Variants in MCC observed in about 807,000 individuals in gnomAD.
MCC encodes the protein colorectal mutant cancer protein.
Under a neutral mutation model 116.2 loss-of-function variants are expected in MCC, and 90 were observed. The observed-to-expected ratio is 0.77, with a 90% CI of 0.65 to 0.92. MCC has a LOEUF of 0.92. Among genes scored for constraint, MCC ranks in the 40% least tolerant of loss-of-function variants. MCC has a pLI of 0.00. For synonymous variants in MCC, 578 were observed against 510.5 expected (o/e 1.13, Z -1.78); for missense variants, 1,516 against 1,312.2 (o/e 1.16, Z -2.40).
intron 1 of MCC, among the ~76,000 whole-genome samples, chr5:113,413,941 A>G (rs1415279561): frequency 2.6e-5 from 4 of 152,146 alleles, no homozygotes; most frequent in Admixed American, 2.0e-4. Context: ...ACACTGCTTT[A>G]AATGTGTCCC....
chr5:113,040,659 G>A (rs1751644550), intron 17 of MCC, among the ~76,000 whole-genome samples: 1 of 152,138 alleles, frequency 6.6e-6, no homozygotes, highest in South Asian at 2.1e-4. Context: ...CCTGAGGTGT[G>A]TATATTGTAT....
At chr5:113,334,752 G>A (rs1263286956) in intron 3 of MCC, among the ~76,000 whole-genome samples, 3 of 150,680 alleles carry the variant, frequency 2.0e-5, no homozygotes, top group Admixed American at 1.3e-4. Flanking sequence ...CACCACACCC[G>A]GCTAATTTTT....
rs751841375 is a variant in MCC, at chr5:113,049,124, G to A, written c.2624C>T (p.Thr875Ile). ...KEQRMRSLSS[T>I]SSGSKDKPGK... is the part of the protein sequence containing the mutation. ...AGGTTTGTCTTTGCTGCCGCTGCTG[G>A]TGGAGCTGAGGGATCGCATCCGCTG... Residue 875 changes from threonine (T) to isoleucine (I), a missense_variant, in exon 16 of 19, where the codon ACC becomes ATC. Thr to Ile is a moderately conservative substitution (Grantham distance 89). Transcript: ENST00000408903. 6.2e-7 allele frequency: 1 copy of A among 1,614,072 alleles called. No homozygotes were observed. The highest frequency in any genetic ancestry group is 8.5e-7 in the Non-Finnish European group (1 of 1,180,024).
In MCC at chr5:113,488,327, C is replaced by A; in HGVS notation, c.88G>T (p.Asp30Tyr). 1 of 1,519,440 alleles carries A rather than the reference C, an allele frequency of 6.6e-7. No individual in the cohort carries two copies. The highest frequency in any genetic ancestry group is 8.8e-7 in the Non-Finnish European group (1 of 1,132,896). 94.1% of individuals were successfully genotyped at this position (1,519,440 alleles called of 1,614,324 possible). A position where few individuals can be genotyped will look rare whatever the true frequency, so the allele number is the denominator to read the frequency against. The change falls in exon 1 of 19, where the codon GAC (aspartate) becomes TAC (tyrosine). Residue 30 changes from aspartate to tyrosine, a missense_variant. Coordinates refer to ENST00000408903, the MANE Select transcript of MCC (RefSeq NM_001085377.2). ...TCCTCCTCGCCGGTGCTGGACGTGT[C>A]GCTGCTGCTGCTGCTGCTGCCGCTG... Reference protein sequence around the residue: ...GGSGSSSSSSDTSSTGEEERM... With the variant: ...GGSGSSSSSSYTSSTGEEERM...
intron 3 of MCC, among the ~76,000 whole-genome samples, chr5:113,163,160 A>G (rs77632257): frequency 0.059 from 9,043 of 152,262 alleles, 383 homozygotes; most frequent in East Asian, 0.17. Context: ...AGAGACAGTC[A>G]AGAACCAAGC....
chr5:113,297,164 G>A (rs191931116), intron 3 of MCC, among the ~76,000 whole-genome samples: 3 of 152,300 alleles, frequency 2.0e-5, no homozygotes, highest in East Asian at 1.9e-4. Context: ...TGAACATGCC[G>A]ATTGTACTAT....
chr5:113,357,038 T>A, intron 2 of MCC, among the ~76,000 whole-genome samples: 1 of 152,250 alleles, frequency 6.6e-6, no homozygotes, highest in East Asian at 1.9e-4. Context: ...TTTGTAGTCA[T>A]GCTGCTTAGT....
chr5:113,190,440 T>C (rs765260222), intron 3 of MCC, among the ~76,000 whole-genome samples: 1 of 152,092 alleles, frequency 6.6e-6, no homozygotes, highest in Non-Finnish European at 1.5e-5. Context: ...CTCCAAGTGT[T>C]AGGAAGCTTT....
At chr5:113,425,913 G>T (rs764222479) in intron 1 of MCC, among the ~76,000 whole-genome samples, 3 of 152,014 alleles carry the variant, frequency 2.0e-5, no homozygotes, top group Non-Finnish European at 4.4e-5. Flanking sequence ...TATGTCATGG[G>T]AGTTGGCAAT....
chr5:113,164,530 A>G lies in MCC; in HGVS notation c.628-13108T>C, dbSNP rs148155666. Among the ~76,000 whole-genome samples the G allele has an allele frequency of 2.0e-3, 309 of 152,334 alleles. 3 individuals are homozygous for G. The highest frequency in any genetic ancestry group is 7.0e-3 in the African/African-American group (289 of 41,570). On this transcript the variant is annotated intron_variant, in intron 3 of 18. Coordinates refer to ENST00000408903, the MANE Select transcript of MCC (RefSeq NM_001085377.2). ...GTAAATGGTAGCCAGGACCAAGCAC[A>G]GTACTCCAGATGAATTCTGCCTAGC...
At chr5:113,429,791 A>G (rs888801469) in intron 1 of MCC, among the ~76,000 whole-genome samples, 1 of 152,208 alleles carries the variant, frequency 6.6e-6, no homozygotes, top group African/African-American at 2.4e-5. Flanking sequence ...TTTGGAAATA[A>G]GGTGGCTGAG....
At chr5:113,446,319 G>A (rs1580385869) in intron 1 of MCC, among the ~76,000 whole-genome samples, 1 of 152,150 alleles carries the variant, frequency 6.6e-6, no homozygotes, top group Non-Finnish European at 1.5e-5. Context: ...ACAACCTACA[G>A]AATGGAAAAT....
intron 8 of MCC, among the ~76,000 whole-genome samples, chr5:113,094,083 T>G (rs1351329814): frequency 1.3e-5 from 2 of 149,634 alleles, no homozygotes; most frequent in African/African-American, 4.9e-5. Flanking sequence ...TTGTAGATAT[T>G]TTGCCGAGAA....
At chr5:113,098,979 G>A (rs184195187) in intron 8 of MCC, among the ~76,000 whole-genome samples, 35 of 152,266 alleles carry the variant, frequency 2.3e-4, no homozygotes, top group Admixed American at 2.3e-3. Context: ...AAGAACAGAA[G>A]ACAATGACAA....
chr5:113,442,176 T>A (rs1442540457), intron 1 of MCC, among the ~76,000 whole-genome samples: 1 of 152,216 alleles, frequency 6.6e-6, no homozygotes, highest in Non-Finnish European at 1.5e-5. Flanking sequence ...GCTTCCTGAC[T>A]TTTTAATGAT....
At chr5:113,388,944 T>C (rs13181534) in intron 1 of MCC, among the ~76,000 whole-genome samples, 26,208 of 152,140 alleles carry the variant, frequency 0.17, 2,475 homozygotes, top group Non-Finnish European at 0.22. Context: ...AACAGGTACA[T>C]TTTGGCATGA....
chr5:113,144,772 G>C (rs764233337), intron 4 of MCC, among the ~76,000 whole-genome samples: 1 of 152,196 alleles, frequency 6.6e-6, no homozygotes, highest in East Asian at 1.9e-4. Context: ...GAGGCAACAA[G>C]GTTGTTGAAT....
intron 6 of MCC, among the ~76,000 whole-genome samples, chr5:113,105,544 G>A (rs571811039): frequency 6.6e-6 from 1 of 152,248 alleles, no homozygotes; most frequent in East Asian, 1.9e-4. Flanking sequence ...CCATCTCCAT[G>A]AATGGCACCC....
At chr5:113,473,071 T>C (rs1367546508) in intron 1 of MCC, among the ~76,000 whole-genome samples, 2 of 152,208 alleles carry the variant, frequency 1.3e-5, no homozygotes, top group Admixed American at 1.3e-4. Flanking sequence ...TACAAGTTAG[T>C]ATTGGGTAAG....
Sources: allele counts gnomAD v4.1 joint callset (sites outside exome capture counted in the v4.1 genomes callset), GRCh38; gene constraint gnomAD v4.1.1; transcripts MANE v1.5; gene names NCBI Gene and HGNC (gene_info 2026-07-23, HGNC 2026-07-21).